Variants in CRCP observed in about 807,000 individuals in gnomAD.
CRCP encodes CGRP receptor component, also known as DNA-directed RNA polymerase III subunit RPC9.
Under a neutral mutation model 18.5 loss-of-function variants are expected in CRCP, and 18 were observed. That is an observed-to-expected ratio of 0.97 (90% CI 0.67 to 1.44). CRCP has a LOEUF of 1.44. CRCP is among the 40% of genes most tolerant of loss of function. The pLI, the probability that CRCP is intolerant of heterozygous loss-of-function variation, is 0.00. For synonymous variants in CRCP, 53 were observed against 62.9 expected (o/e 0.84, Z 0.75); for missense variants, 130 against 176.4 (o/e 0.74, Z 1.49).
intron 2 of CRCP, among the ~76,000 whole-genome samples, chr7:66,128,267 G>A (rs1787675518): frequency 1.3e-5 from 2 of 152,092 alleles, no homozygotes; most frequent in Admixed American, 6.6e-5. Flanking sequence ...AGGAAAGCTG[G>A]GAAGACTCTA....
At chr7:66,139,500 A>G (rs1224047233) in intron 4 of CRCP, among the ~76,000 whole-genome samples, 1 of 152,050 alleles carries the variant, frequency 6.6e-6, no homozygotes, top group Non-Finnish European at 1.5e-5. Flanking sequence ...AATGAGTCGT[A>G]TTTTCGTGGT....
chr7:66,129,306 C>A (rs1233288269), intron 2 of CRCP, among the ~76,000 whole-genome samples: 1 of 152,098 alleles, frequency 6.6e-6, no homozygotes, highest in African/African-American at 2.4e-5. Flanking sequence ...GCACTCCAGC[C>A]TGGGCGACAG....
At chr7:66,145,395 A>AG in intron 4 of CRCP, 48 bp from the exon 5 acceptor site, 1 of 1,596,200 alleles carries the variant, frequency 6.3e-7, no homozygotes, top group Non-Finnish European at 8.6e-7. Context: ...GTCAGGACTC[A>AG]GGACTTAGGG....
Position 66,127,757 on chromosome 7 carries a change from C to A in CRCP, c.45+17C>A. ...AACTACGAGGTAAATTGGATTGTTACATTTTCCTCTCTGATAGTTTGCCCT... is the reference window on the plus strand; with the variant it reads ...AACTACGAGGTAAATTGGATTGTTAAATTTTCCTCTCTGATAGTTTGCCCT... On this transcript the variant is annotated intron_variant, in intron 2 of 5. Transcript: ENST00000395326. The A allele has an allele frequency of 6.2e-7, 1 of 1,613,264 alleles. No individual in the cohort carries two copies. The highest frequency in any genetic ancestry group is 8.5e-7 in the Non-Finnish European group (1 of 1,179,264).
chr7:66,130,941 A>G (rs923421595), intron 3 of CRCP, 99 bp downstream of exon 3: 38 of 721,366 alleles, frequency 5.3e-5, no homozygotes, highest in Admixed American at 2.4e-4. Context: ...TGCTTTTTAT[A>G]TGATCTGAAT....
At chr7:66,147,439 T>C (rs1282986595) in intron 5 of CRCP, among the ~76,000 whole-genome samples, 1 of 152,010 alleles carries the variant, frequency 6.6e-6, no homozygotes, top group Non-Finnish European at 1.5e-5. Flanking sequence ...GCCCGCCCCA[T>C]AGTCTTGGAA....
At chr7:66,123,373 C>CA (rs764654809) in intron 1 of CRCP, among the ~76,000 whole-genome samples, 2 of 152,180 alleles carry the variant, frequency 1.3e-5, no homozygotes, top group East Asian at 1.9e-4. Flanking sequence ...AGCTGTAGAG[C>CA]AGACAGTTCC....
intron 3 of CRCP, among the ~76,000 whole-genome samples, chr7:66,133,696 GTT>G (rs371983195): frequency 7.0e-6 from 1 of 142,918 alleles, no homozygotes. Flanking sequence ...CAGATTGAGG[GTT>G]TTTTTTTTTT....
intron 2 of CRCP, among the ~76,000 whole-genome samples, chr7:66,129,298 A>T (rs1584073473): frequency 6.6e-6 from 1 of 152,160 alleles, no homozygotes; most frequent in South Asian, 2.1e-4. Flanking sequence ...GTGCCACTGC[A>T]CTCCAGCCTG....
At chr7:66,149,049 T>G (rs1788380528) in intron 5 of CRCP, among the ~76,000 whole-genome samples, 1 of 152,204 alleles carries the variant, frequency 6.6e-6, no homozygotes, top group African/African-American at 2.4e-5. Flanking sequence ...CCCGGTTTGA[T>G]GCTCCTGGGA....
At chr7:66,129,248 G>C (rs569807296) in intron 2 of CRCP, among the ~76,000 whole-genome samples, 30 of 152,300 alleles carry the variant, frequency 2.0e-4, no homozygotes, top group African/African-American at 7.2e-4. Context: ...CAGGAGAATG[G>C]CGTGAACCCG....
intron 1 of CRCP, chr7:66,126,626 G>A: frequency 2.3e-6 from 1 of 429,748 alleles, no homozygotes; most frequent in South Asian, 1.7e-5. Flanking sequence ...ACAAATAATA[G>A]CCTTCCATTA....
intron 5 of CRCP, chr7:66,150,923 C>A (rs1022932473): frequency 6.6e-6 from 1 of 151,996 alleles, no homozygotes; most frequent in African/African-American, 2.4e-5. Context: ...GAATTAGGGG[C>A]GAAGCTAAGG....
chr7:66,144,862 G>A (rs1384099083), intron 4 of CRCP, among the ~76,000 whole-genome samples: 5 of 152,116 alleles, frequency 3.3e-5, no homozygotes, highest in African/African-American at 7.2e-5. Flanking sequence ...AGGAATTACC[G>A]TCCTGGGCCG....
chr7:66,151,435 G>A (rs1445048965), intron 5 of CRCP, among the ~76,000 whole-genome samples: 1 of 152,084 alleles, frequency 6.6e-6, no homozygotes, highest in Non-Finnish European at 1.5e-5. Flanking sequence ...TGTCTGTGGT[G>A]GCTCGTGCCT....
intron 1 of CRCP, among the ~76,000 whole-genome samples, chr7:66,125,306 T>A (rs936826120): frequency 1.3e-5 from 2 of 149,224 alleles, no homozygotes; most frequent in Non-Finnish European, 3.0e-5. Flanking sequence ...TTCTCAAAGA[T>A]AAAAACTGCC....
chr7:66,114,845 C>T (rs745806254), upstream of CRCP: 5 of 1,595,222 alleles, frequency 3.1e-6, no homozygotes, highest in Non-Finnish European at 4.3e-6. Context: ...CGCGGCGATC[C>T]CGGCGAGCAC....
At position 66,152,272 on chromosome 7, in the gene CRCP, C is replaced by T; in HGVS notation, c.362C>T (p.Thr121Ile). ...ATTGAAGCTCTTCTCCACACCGTCACCAGCATTCTGCCTGCAGAGCCAGAG... is the reference window on the plus strand; with the variant it reads ...ATTGAAGCTCTTCTCCACACCGTCATCAGCATTCTGCCTGCAGAGCCAGAG... The part of the protein sequence containing the change: ...EQIEALLHTV[T>I]SILPAEPEAE... The change falls in exon 6 of 6, where the codon ACC becomes ATC. Residue 121 changes from threonine (T) to isoleucine (I), a missense_variant. By Grantham distance (89) the Thr-to-Ile change is moderately conservative (BLOSUM62 -1). Coordinates refer to ENST00000395326, the MANE Select transcript of CRCP (RefSeq NM_014478.5). The T allele has an allele frequency of 6.2e-7, 1 of 1,614,082 alleles. No homozygotes were observed. The highest frequency in any genetic ancestry group is 8.5e-7 in the Non-Finnish European group (1 of 1,180,006).
chr7:66,116,464 G>A (rs1216544898), intron 1 of CRCP, among the ~76,000 whole-genome samples: 2 of 141,592 alleles, frequency 1.4e-5, no homozygotes, highest in Non-Finnish European at 3.0e-5. Flanking sequence ...ACTCCTGCCA[G>A]AGTGACAGTG....
Sources: allele counts gnomAD v4.1 joint callset (sites outside exome capture counted in the v4.1 genomes callset), GRCh38; gene constraint gnomAD v4.1.1; transcripts MANE v1.5; gene names NCBI Gene and HGNC (gene_info 2026-07-23, HGNC 2026-07-21).